Variants in ZHX3 observed in about 807,000 individuals in gnomAD.
ZHX3 encodes zinc fingers and homeoboxes protein 3.
Under a neutral mutation model 64.5 loss-of-function variants are expected in ZHX3, and 20 were observed. The observed-to-expected ratio is 0.31, with a 90% confidence interval of 0.22 to 0.45. The LOEUF (loss-of-function observed/expected upper bound fraction) is 0.45. ZHX3 is among the 20% of genes least tolerant of loss of function. ZHX3 has a pLI of 1.00. For missense variants in ZHX3, 1,041 were observed against 1,195.8 expected, an observed-to-expected ratio of 0.87 and a Z score of 1.91; for synonymous variants, 423 against 461.6, an observed-to-expected ratio of 0.92 and a Z score of 1.07.
chr20:41,239,173 T>A (rs1274517409), intron 2 of ZHX3, among the ~76,000 whole-genome samples: 3 of 151,400 alleles, frequency 2.0e-5, no homozygotes, highest in Non-Finnish European at 4.4e-5. Flanking sequence ...CCGCTAATTT[T>A]TTTTTTTTGT....
chr20:41,209,567 C>T (rs1187170798), intron 2 of ZHX3, among the ~76,000 whole-genome samples: 1 of 152,166 alleles, frequency 6.6e-6, no homozygotes, highest in African/African-American at 2.4e-5. Flanking sequence ...TGATCTTTGA[C>T]AAACTTGACA....
chr20:41,288,939 C>T (rs1178182120), intron 1 of ZHX3, among the ~76,000 whole-genome samples: 3 of 145,326 alleles, frequency 2.1e-5, no homozygotes, highest in Non-Finnish European at 4.4e-5. Flanking sequence ...TATTTAGAAA[C>T]TTTTTAGAAG....
intron 1 of ZHX3, among the ~76,000 whole-genome samples, chr20:41,275,041 C>T (rs894151814): frequency 3.3e-5 from 5 of 152,036 alleles, no homozygotes; most frequent in Non-Finnish European, 5.9e-5. Context: ...CCTGTTAATT[C>T]CAGCTACTTG....
chr20:41,184,827 T>C lies in ZHX3; in HGVS notation c.*364A>G, dbSNP rs938554641. Reference sequence around the variant, plus strand: ...AACCAAAGTTTCTACGTAATGACAGTGTTGATAATCTGATGTTTTATTTAA... The same window carrying C: ...AACCAAAGTTTCTACGTAATGACAGCGTTGATAATCTGATGTTTTATTTAA... On this transcript the variant is annotated 3_prime_UTR_variant, in exon 4 of 4. Coordinates refer to ENST00000683867, the MANE Select transcript of ZHX3 (RefSeq NM_001384317.1). 8.0e-5 allele frequency: 111 copies of C among 1,387,038 alleles called. 1 individual carries two copies. The highest frequency in any genetic ancestry group is 1.3e-5 in the Non-Finnish European group (14 of 1,046,952). 85.9% of individuals were successfully genotyped at this position (1,387,038 alleles called of 1,614,324 possible).
At chr20:41,285,874 A>G (rs1270715147) in intron 1 of ZHX3, among the ~76,000 whole-genome samples, 1 of 152,246 alleles carries the variant, frequency 6.6e-6, no homozygotes, top group African/African-American at 2.4e-5. Context: ...ATTAAGGATT[A>G]AATGAGATGA....
At chr20:41,248,001 G>C (rs915229639) in intron 2 of ZHX3, among the ~76,000 whole-genome samples, 1 of 152,144 alleles carries the variant, frequency 6.6e-6, no homozygotes, top group Non-Finnish European at 1.5e-5. Context: ...GGTGGCATTT[G>C]AGACCGATGG....
chr20:41,202,809 G>C lies in ZHX3; in HGVS notation c.2108C>G (p.Ser703Cys), dbSNP rs2038353709. The C allele has an allele frequency of 6.2e-7, 1 of 1,614,112 alleles. No individual in the cohort carries two copies. Residue 703 changes from serine (S) to cysteine (C), a missense_variant, in exon 3 of 4, where the codon TCT (serine) becomes TGT (cysteine). Transcript: ENST00000683867. This position sits in a 1 kb window ranked among gnomAD's most constrained non-coding sequence, Gnocchi z 7.0. ...CATTTCCAGAGAGCCATTTTCACCA[G>C]AGACCCTTAGCTCACTGGCCAAATC... ...EEDLASELRV[S>C]GENGSLEMPS... is the part of the protein sequence containing the mutation.
chr20:41,193,689 TTTTTTG>T (rs1437087734), intron 3 of ZHX3, among the ~76,000 whole-genome samples: 1 of 146,740 alleles, frequency 6.8e-6, no homozygotes, highest in African/African-American at 2.6e-5. Flanking sequence ...TTCAAGTTTT[TTTTTTG>T]TTGTTGTTGT....
intron 2 of ZHX3, among the ~76,000 whole-genome samples, chr20:41,239,089 G>A (rs1166168146): frequency 4.5e-5 from 6 of 133,820 alleles, no homozygotes; most frequent in African/African-American, 1.1e-4. Context: ...TGCAAGCTCC[G>A]CCTCCTGGGT....
intron 1 of ZHX3, among the ~76,000 whole-genome samples, chr20:41,270,742 T>C (rs560568795): frequency 6.6e-6 from 1 of 152,192 alleles, no homozygotes; most frequent in African/African-American, 2.4e-5. Context: ...TGGGCAAATA[T>C]AACTGTGCAG....
intron 1 of ZHX3, 77 bp downstream of exon 1, chr20:41,317,432 G>A (rs1159484961): frequency 1.3e-5 from 2 of 151,938 alleles, no homozygotes; most frequent in Admixed American, 6.6e-5. Context: ...GGGTCTGACA[G>A]GCAGAGAGAG....
At chr20:41,292,013 TA>T (rs61168786) in intron 1 of ZHX3, among the ~76,000 whole-genome samples, 7,505 of 94,492 alleles carry the variant, frequency 0.079, 234 homozygotes, top group Middle Eastern at 0.18. Context: ...ACCTCATCTT[TA>T]AAAAAAAAAA....
rs564071689 is a variant in ZHX3 at position 41,219,150 on chromosome 20, C to T, written c.-150-14084G>A. Among the ~76,000 whole-genome samples the T allele has an allele frequency of 6.6e-5, 10 of 151,208 alleles. No individual in the cohort carries two copies. Among genetic ancestry groups the T allele is most frequent in the Non-Finnish European group, 1.3e-4 (9 of 67,788 alleles). On this transcript the variant is annotated intron_variant, in intron 2 of 3. Coordinates refer to ENST00000683867, the MANE Select transcript of ZHX3 (RefSeq NM_001384317.1). The surrounding 1 kb of genome is among the most constrained non-coding windows in gnomAD (Gnocchi z 5.0). ...TTCACCGTGTTAGCGAGCATGGTCT[C>T]GATCTCCTGACCTCGTGATCCACAC... is the stretch of plus-strand genomic sequence containing the variant.
chr20:41,276,706 C>T (rs1243786108), intron 1 of ZHX3, among the ~76,000 whole-genome samples: 1 of 152,152 alleles, frequency 6.6e-6, no homozygotes, highest in African/African-American at 2.4e-5. Flanking sequence ...TAGTTATAAG[C>T]GCCTGGAAAC....
chr20:41,215,462 T>C (rs1467400882), intron 2 of ZHX3, among the ~76,000 whole-genome samples: 2 of 152,136 alleles, frequency 1.3e-5, no homozygotes, highest in Non-Finnish European at 2.9e-5. Flanking sequence ...AAAGTGTTTA[T>C]CTTTAAATTA....
At chr20:41,246,317 T>A (rs2041684384) in intron 2 of ZHX3, among the ~76,000 whole-genome samples, 1 of 152,230 alleles carries the variant, frequency 6.6e-6, no homozygotes, top group African/African-American at 2.4e-5. Flanking sequence ...GTTCTCTAAT[T>A]TCTGAAAGCC....
chr20:41,238,358 CAG>C (rs1286303665), intron 2 of ZHX3, among the ~76,000 whole-genome samples: 1 of 151,530 alleles, frequency 6.6e-6, no homozygotes, highest in Non-Finnish European at 1.5e-5. Context: ...AGAAGGAAAA[CAG>C]GGTAATAACA....
chr20:41,256,107 C>G (rs2042236665), intron 2 of ZHX3, among the ~76,000 whole-genome samples: 1 of 152,158 alleles, frequency 6.6e-6, no homozygotes, highest in Admixed American at 6.5e-5. Context: ...TTACATTTAA[C>G]TTCAAGGGAA....
chr20:41,181,498 GA>G lies in ZHX3; in HGVS notation c.*3692del, dbSNP rs750687848. ...TTTATCCACTTGGGGTGTGATATCTGAACTGAAAAAGCTGCACCAATCTGAG... is the reference window on the plus strand; with the variant it reads ...TTTATCCACTTGGGGTGTGATATCTGACTGAAAAAGCTGCACCAATCTGAG... On this transcript the variant is annotated 3_prime_UTR_variant, in exon 4 of 4. Transcript: ENST00000683867. The G allele has an allele frequency of 3.9e-5, 6 of 152,208 alleles. No individual in the cohort carries two copies. Among genetic ancestry groups the G allele is most frequent in the Non-Finnish European group, 7.4e-5 (5 of 68,022 alleles). The allele number at this position is 152,208 out of a possible 1,614,324, so 9.4% of individuals were successfully genotyped here.
Sources: gnomAD v4.1 joint callset for allele counts (sites outside exome capture counted in the v4.1 genomes callset) on GRCh38, gnomAD v4.1.1 for gene constraint, Gnocchi (gnomAD v3.1) non-coding constraint, MANE v1.5 for transcripts, NCBI Gene and HGNC (gene_info 2026-07-23, HGNC 2026-07-21) for gene names.